The following NEB variants were observed in gnomAD, a reference collection of about 807,000 sequenced individuals.
NEB encodes nemaline myopathy type 2.
A neutral mutation model predicts 952.2 loss-of-function variants in NEB; 512 were observed. The observed-to-expected ratio is 0.54, with a 90% CI of 0.50 to 0.58. NEB has a LOEUF of 0.58. Ranked by LOEUF, NEB falls within the 20% of genes least tolerant of loss-of-function variation. The pLI is 0.00. For missense variants in NEB, 8,428 were observed against 9,231.1 expected (o/e 0.91, Z 3.56); for synonymous variants, 2,900 against 3,149.8 (o/e 0.92, Z 2.66).
At chr2:151,643,674 T>G in intron 57 of NEB, 144 bp downstream of exon 57, 1 of 1,325,276 alleles carries the variant, frequency 7.5e-7, no homozygotes, top group Non-Finnish European at 1.0e-6. Context: ...GGAATAATGG[T>G]GCCTCCAGAT....
rs1168345348 is a variant in NEB at position 151,540,385 on chromosome 2, T to C, written c.20851A>G (p.Ile6951Val). 4 of 1,586,670 alleles carry C rather than the reference T, an allele frequency of 2.5e-6. No individual in the cohort carries two copies. Among genetic ancestry groups the C allele is most frequent in the Non-Finnish European group, 3.4e-6 (4 of 1,164,720 alleles). ...TAAGCCCTCTTGGCTCTGATGAGGA[T>C]TGGCGTATCTGGAACCGGAGTGTAC... ...DKYTPVPDTPILIRAKRAYWN... is the reference protein window; with the variant it reads ...DKYTPVPDTPVLIRAKRAYWN... The change falls in exon 138 of 182, where the codon ATC becomes GTC. Residue 6951 changes from isoleucine (I) to valine (V), a missense_variant. By Grantham distance (29) the Ile-to-Val change is conservative. Coordinates refer to ENST00000397345, the MANE Select transcript of NEB (RefSeq NM_001164508.2).
intron 124 of NEB, among the ~76,000 whole-genome samples, chr2:151,556,430 T>C (rs2095651599): frequency 1.3e-5 from 2 of 152,204 alleles, no homozygotes; most frequent in African/African-American, 4.8e-5. Flanking sequence ...CTGTGAGTCA[T>C]GGTCAAAACA....
chr2:151,653,012 T>G (rs903087080), intron 52 of NEB, among the ~76,000 whole-genome samples: 1 of 152,188 alleles, frequency 6.6e-6, no homozygotes, highest in Non-Finnish European at 1.5e-5. Context: ...ATCATATTAA[T>G]TTTCCAACAT....
chr2:151,507,227 GT>G (rs2069870543), intron 162 of NEB: 1 of 481,392 alleles, frequency 2.1e-6, no homozygotes, highest in African/African-American at 2.0e-5. Flanking sequence ...GTTTGTTTTT[GT>G]TTAAGTATCC....
intron 168 of NEB, 66 bp from the exon 169 acceptor site, chr2:151,499,456 G>C (rs891932148): frequency 1.1e-5 from 9 of 830,364 alleles, no homozygotes; most frequent in Middle Eastern, 2.2e-4. Context: ...CATCTACCTT[G>C]TGGGGAACCT....
chr2:151,511,274 C>T (rs4316937), intron 161 of NEB, among the ~76,000 whole-genome samples: 3 of 152,180 alleles, frequency 2.0e-5, no homozygotes, highest in Non-Finnish European at 4.4e-5. Context: ...AATTATTCTT[C>T]TGCATCCCTA....
intron 3 of NEB, among the ~76,000 whole-genome samples, chr2:151,730,929 C>T (rs764385017): frequency 6.6e-6 from 1 of 152,126 alleles, no homozygotes; most frequent in Admixed American, 6.6e-5. Context: ...CACATAGCAA[C>T]AAAAATCACA....
intron 41 of NEB, 118 bp from the exon 42 acceptor site, chr2:151,665,657 GC>G: frequency 1.2e-6 from 1 of 804,400 alleles, no homozygotes; most frequent in Non-Finnish European, 1.9e-6. Context: ...AGAATAATCT[GC>G]TTTTTACTCC....
In NEB at chr2:151,688,530, G is replaced by A. The variant is rs187744672; in HGVS notation, c.2311-134C>T. The stretch of plus-strand genomic sequence containing the variant: ...AGATACTCAATTCAGTCAAAGTCTC[G>A]CACAGGATTCAAACTTTCATCCCCT... On this transcript the variant is annotated intron_variant, in intron 24 of 181. Coordinates refer to ENST00000397345, the MANE Select transcript of NEB (RefSeq NM_001164508.2). 1.1e-3 allele frequency: 770 copies of A among 691,156 alleles called. 1 individual carries two copies. The highest frequency in any genetic ancestry group is 9.1e-4 in the Non-Finnish European group (357 of 391,364). 42.8% of individuals were successfully genotyped at this position (691,156 alleles called of 1,614,324 possible).
chr2:151,560,595 G>T lies in NEB; in HGVS notation c.19311C>A (p.Ser6437Arg). The T allele has an allele frequency of 6.2e-7, 1 of 1,608,504 alleles. No individual in the cohort carries two copies. Among genetic ancestry groups the T allele is most frequent in the Non-Finnish European group, 8.5e-7 (1 of 1,177,252 alleles). Residue 6437 changes from serine (S) to arginine (R), a missense_variant, in exon 124 of 182, where the codon AGC (serine) becomes AGA (arginine). Around this residue, in one of 11 missense-constraint regions of NEB, gnomAD observed 3,374 missense variants for 3,651.5 expected, o/e 0.92. Transcript: ENST00000397345. ...GTCATGTTTTTGCTTTACTTACATGGCTGGCCAGATGCTTCTGGTTCTTGG... is the reference window on the plus strand; with the variant it reads ...GTCATGTTTTTGCTTTACTTACATGTCTGGCCAGATGCTTCTGGTTCTTGG... ...THAKNQKHLA[S>R]HIKYREEYEK...
In NEB at chr2:151,567,480, C is replaced by T. The variant is rs1371849916; in HGVS notation, c.17845-1G>A. The T allele has an allele frequency of 6.2e-7, 1 of 1,602,230 alleles. No homozygotes were observed. Among genetic ancestry groups the T allele is most frequent in the East Asian group, 2.2e-5 (1 of 44,512 alleles). On this transcript the variant is annotated splice_acceptor_variant, in intron 113 of 181. Coordinates refer to ENST00000397345, the MANE Select transcript of NEB (RefSeq NM_001164508.2). LOFTEE classifies it high-confidence loss of function. Reference sequence around the variant, plus strand: ...TCACATGTTCAGCTTTGTATTTCAGCTGGCGAGAAGAGGAATATAAATTCC... The same window carrying T: ...TCACATGTTCAGCTTTGTATTTCAGTTGGCGAGAAGAGGAATATAAATTCC...
intron 179 of NEB, 27 bp from the exon 180 acceptor site, chr2:151,490,545 G>C: frequency 6.2e-7 from 1 of 1,602,724 alleles, no homozygotes; most frequent in Non-Finnish European, 8.5e-7. Context: ...TGGGGGAGAT[G>C]TAGCAAACAT....
rs752318455 is a variant in NEB at position 151,618,318 on chromosome 2, G to A, written c.11033C>T (p.Pro3678Leu). Residue 3678 changes from proline (P) to leucine (L), a missense_variant, in exon 74 of 182, where the codon CCG becomes CTG. Pro to Leu is a moderately conservative substitution (Grantham distance 98). This residue lies in a region of NEB where 1,772 missense variants were observed against 1,960.3 expected (regional missense o/e 0.90). Transcript: ENST00000397345. ...ATTGTTTTTTGCCAGCACCTGCTCC[G>A]GAGTGTCCGTTATACTGGTAAATTT... ...TLKFTSITDT[P>L]EQVLAKNNAL... The A allele has an allele frequency of 1.5e-5, 24 of 1,613,770 alleles. No individual in the cohort carries two copies. Among genetic ancestry groups the A allele is most frequent in the South Asian group, 7.7e-5 (7 of 91,084 alleles).
chr2:151,612,684 TTC>T (rs2098032529), intron 77 of NEB, among the ~76,000 whole-genome samples: 1 of 152,226 alleles, frequency 6.6e-6, no homozygotes, highest in African/African-American at 2.4e-5. Context: ...ACAGTGTTTA[TTC>T]TCTGATTTGA....
At chr2:151,614,669 T>C in intron 76 of NEB, 82 bp from the exon 77 acceptor site, 1 of 1,436,190 alleles carries the variant, frequency 7.0e-7, no homozygotes, top group Non-Finnish European at 9.5e-7. Flanking sequence ...CATTGTTTCT[T>C]TTTCTTTTCC....
At chr2:151,527,612 C>A in intron 146 of NEB, 27 bp from the exon 147 acceptor site, 1 of 1,547,308 alleles carries the variant, frequency 6.5e-7, no homozygotes, top group South Asian at 1.1e-5. Context: ...AGAAAGGAAT[C>A]ACTTGATTCA....
chr2:151,540,277 T>C (rs1044904299), intron 138 of NEB, 67 bp downstream of exon 138: 1 of 921,294 alleles, frequency 1.1e-6, no homozygotes, highest in African/African-American at 1.7e-5. Context: ...AAATATGTTA[T>C]GTTTCTTAGG....
rs534108954 is a variant in NEB, at chr2:151,642,230, T to G, written c.8373+344A>C. On this transcript the variant is annotated intron_variant, in intron 60 of 181. Transcript: ENST00000397345. ...TGTAGATTCATTGGTTCATACAGCA[T>G]AGGTTGGGTTTTGAAGGAACCCTAC... Among the ~76,000 whole-genome samples, 255 of 152,350 alleles carry G rather than the reference T, an allele frequency of 1.7e-3. 1 individual carries two copies. Among genetic ancestry groups the G allele is most frequent in the African/African-American group, 5.9e-3 (246 of 41,586 alleles).
At chr2:151,543,298 G>A (rs986281256) in intron 135 of NEB, among the ~76,000 whole-genome samples, 1 of 152,162 alleles carries the variant, frequency 6.6e-6, no homozygotes, top group African/African-American at 2.4e-5. Flanking sequence ...CAGATAAAAC[G>A]TAAGAAACAC....
Sources: allele counts gnomAD v4.1 joint callset (sites outside exome capture counted in the v4.1 genomes callset), GRCh38; gene constraint gnomAD v4.1.1; regional missense constraint gnomAD v4.1.1; transcripts MANE v1.5; gene names NCBI Gene and HGNC (gene_info 2026-07-23, HGNC 2026-07-21).